The following ZSCAN25 variants were observed in gnomAD, a reference collection of about 807,000 sequenced individuals.
ZSCAN25 encodes zinc finger and SCAN domain containing 25, also known as zinc finger and SCAN domain-containing protein 25.
ZSCAN25 carries 27 observed loss-of-function variants against 38.7 expected under a neutral mutation model. The ratio of observed to expected loss-of-function variants is 0.70; its 90% CI spans 0.51 to 0.96. ZSCAN25 has a LOEUF of 0.96. Ranked by LOEUF, ZSCAN25 falls within the 40% of genes least tolerant of loss-of-function variation. The probability of loss-of-function intolerance (pLI) is 0.00; values close to 1 mark genes in which losing one functional copy is unlikely to be tolerated. For synonymous variants in ZSCAN25, 273 were observed against 277.7 expected (o/e 0.98, Z 0.17); for missense variants, 637 against 705.9 (o/e 0.90, Z 1.11).
chr7:99,723,032 A>G, the ZSCAN25 span, among the ~76,000 whole-genome samples: 51 of 151,830 alleles, frequency 3.4e-4, no homozygotes, highest in African/African-American at 1.2e-3. Context: ...AAACTTAAAA[A>G]AAAACCTTCC....
the ZSCAN25 span, among the ~76,000 whole-genome samples, chr7:99,701,839 G>A: frequency 6.6e-6 from 1 of 152,078 alleles, no homozygotes; most frequent in African/African-American, 2.4e-5. Flanking sequence ...TGTATATTCT[G>A]GATGTTAATC....
chr7:99,660,887 C>T, the ZSCAN25 span, among the ~76,000 whole-genome samples: 1 of 152,206 alleles, frequency 6.6e-6, no homozygotes, highest in African/African-American at 2.4e-5. Flanking sequence ...GTGGGCCACA[C>T]ACTCCTCATC....
At chr7:99,666,529 C>A in the ZSCAN25 span, 2 of 1,498,798 alleles carry the variant, frequency 1.3e-6, no homozygotes, top group Non-Finnish European at 1.9e-6. Flanking sequence ...AACAGTGCGA[C>A]TGTCGACTCC....
chr7:99,699,264 T>A, the ZSCAN25 span, among the ~76,000 whole-genome samples: 1 of 152,184 alleles, frequency 6.6e-6, no homozygotes, highest in Non-Finnish European at 1.5e-5. Context: ...TCTTCAAAAC[T>A]TCCTCCAAGT....
At chr7:99,721,454 C>T in the ZSCAN25 span, among the ~76,000 whole-genome samples, 1 of 152,096 alleles carries the variant, frequency 6.6e-6, no homozygotes, top group Non-Finnish European at 1.5e-5. Flanking sequence ...GAGATGATGC[C>T]ATGCATTTAT....
chr7:99,684,521 C>G, the ZSCAN25 span, among the ~76,000 whole-genome samples: 1 of 152,176 alleles, frequency 6.6e-6, no homozygotes, highest in Non-Finnish European at 1.5e-5. Flanking sequence ...GGCAAAGTCA[C>G]AGTGGATTAA....
chr7:99,737,034 G>T, the ZSCAN25 span, among the ~76,000 whole-genome samples: 1 of 152,178 alleles, frequency 6.6e-6, no homozygotes, highest in Non-Finnish European at 1.5e-5. Context: ...AAGCAACAAA[G>T]GACAGACACG....
At chr7:99,679,615 C>T in the ZSCAN25 span, among the ~76,000 whole-genome samples, 1 of 152,124 alleles carries the variant, frequency 6.6e-6, no homozygotes, top group African/African-American at 2.4e-5. Flanking sequence ...TCCTAGTCAC[C>T]AAAATTAGAA....
chr7:99,676,446 A>G, the ZSCAN25 span: 7 of 1,454,626 alleles, frequency 4.8e-6, no homozygotes, highest in South Asian at 1.1e-5. Flanking sequence ...CATAGTCCCA[A>G]TCCTGGAGTG....
chr7:99,628,594 A>G (rs1807702225), intron 7 of ZSCAN25, among the ~76,000 whole-genome samples: 1 of 152,210 alleles, frequency 6.6e-6, no homozygotes, highest in Admixed American at 6.5e-5. Context: ...TGCTTCATTC[A>G]TTCAGCCAGC....
intron 5 of ZSCAN25, 33 bp from the exon 6 acceptor site, chr7:99,622,516 C>G: frequency 2.5e-6 from 4 of 1,600,530 alleles, no homozygotes; most frequent in South Asian, 1.1e-5. Flanking sequence ...ACTGATCCTT[C>G]TGATCTTTCT....
the ZSCAN25 span, among the ~76,000 whole-genome samples, chr7:99,681,124 T>A: frequency 9.2e-5 from 14 of 152,364 alleles, 2 homozygotes; most frequent in South Asian, 2.9e-3. Context: ...TTATTACAGA[T>A]AACAGGATCT....
At chr7:99,638,382 G>A in the ZSCAN25 span, 232 of 1,597,036 alleles carry the variant, frequency 1.5e-4, 2 homozygotes, top group Non-Finnish European at 1.9e-4. Flanking sequence ...GGGTTTCATG[G>A]CATCGGGCAG....
chr7:99,668,313 G>T, the ZSCAN25 span, among the ~76,000 whole-genome samples: 1 of 152,098 alleles, frequency 6.6e-6, no homozygotes, highest in African/African-American at 2.4e-5. Context: ...CTATATTCAC[G>T]GGATGAAAGG....
chr7:99,710,690 G>A, the ZSCAN25 span: 1 of 1,613,310 alleles, frequency 6.2e-7, no homozygotes, highest in Admixed American at 1.7e-5. Context: ...TCTTTGCTAA[G>A]GCTTCACCTC....
chr7:99,717,691 A>G, the ZSCAN25 span: 6 of 1,599,670 alleles, frequency 3.8e-6, no homozygotes, highest in African/African-American at 2.7e-5. Flanking sequence ...GGAGGTCTCC[A>G]TGGTTGTAGA....
At chr7:99,688,619 C>T in the ZSCAN25 span, among the ~76,000 whole-genome samples, 1 of 151,422 alleles carries the variant, frequency 6.6e-6, no homozygotes, top group Non-Finnish European at 1.5e-5. Context: ...TCAACGAGAC[C>T]AAAAGTTAAC....
intron 7 of ZSCAN25, among the ~76,000 whole-genome samples, chr7:99,627,963 T>C (rs1807640631): frequency 6.6e-6 from 1 of 151,866 alleles, no homozygotes; most frequent in Non-Finnish European, 1.5e-5. Context: ...GTTAAGAAAA[T>C]TCTTTGCATA....
At chr7:99,709,831 G>A in the ZSCAN25 span, among the ~76,000 whole-genome samples, 7 of 151,674 alleles carry the variant, frequency 4.6e-5, no homozygotes, top group East Asian at 1.4e-3. Context: ...CAGGGCTTTT[G>A]TTATATACAT....
Sources: gnomAD v4.1 joint callset for allele counts (sites outside exome capture counted in the v4.1 genomes callset) on GRCh38, gnomAD v4.1.1 for gene constraint, MANE v1.5 for transcripts, NCBI Gene and HGNC (gene_info 2026-07-23, HGNC 2026-07-21) for gene names.